Variants in FRYL observed in about 807,000 individuals in gnomAD.
FRYL encodes the protein FRY like transcription coactivator.
Under a neutral mutation model 351.2 loss-of-function variants are expected in FRYL, and 150 were observed. That is an observed-to-expected ratio of 0.43 (90% CI 0.37 to 0.49). The LOEUF (loss-of-function observed/expected upper bound fraction) is 0.49, where lower values mean the gene tolerates loss of function less well. FRYL is among the 20% of genes least tolerant of loss of function. The probability of loss-of-function intolerance (pLI) is 0.00; values close to 1 mark genes in which losing one functional copy is unlikely to be tolerated. For missense variants in FRYL, 3,036 were observed against 3,619.3 expected (o/e 0.84, Z 4.13); for synonymous variants, 1,153 against 1,257.1 (o/e 0.92, Z 1.75).
At chr4:48,620,058 C>A (rs984752035) in intron 6 of FRYL, among the ~76,000 whole-genome samples, 4 of 152,098 alleles carry the variant, frequency 2.6e-5, no homozygotes, top group Non-Finnish European at 5.9e-5. Context: ...ACAAGGTATC[C>A]TTCTCACAAA....
In FRYL at chr4:48,659,393, A is replaced by G. The variant is rs6815966; in HGVS notation, c.-80-24903T>C. On this transcript the variant is annotated intron_variant, in intron 3 of 63. Transcript: ENST00000358350. ...GAGAGAGAAGAAGAAGGAGAAGGAG[A>G]AGAAGGAGAAGGAGAAGGAGAAGGA... 1.3e-3 allele frequency among the ~76,000 whole-genome samples: 23 copies of G among 17,118 alleles called. 11 individuals carry two copies. Among genetic ancestry groups the G allele is most frequent in the Middle Eastern group, 0.053 (2 of 38 alleles). The allele number at this position is 17,118 out of a possible 152,430, so 11.2% of individuals were successfully genotyped here.
At position 48,745,592 on chromosome 4, in the gene FRYL, G is replaced by C. The variant is rs575369386; in HGVS notation, c.-384+34486C>G. Among the ~76,000 whole-genome samples the C allele has an allele frequency of 1.1e-4, 17 of 152,184 alleles. No individual in the cohort carries two copies. In the East Asian group the frequency reaches 1.9e-3, roughly 17 times the overall value. On this transcript the variant is annotated intron_variant, in intron 1 of 63. Transcript: ENST00000358350. ...CACAGGGTGGGGAACATCACACACC[G>C]GGGCCTGTTGTGGGGTGGGGGGAGT...
chr4:48,678,565 T>C (rs528328458), intron 3 of FRYL, among the ~76,000 whole-genome samples: 12 of 149,192 alleles, frequency 8.0e-5, no homozygotes, highest in East Asian at 3.9e-4. Flanking sequence ...TACAAGTACA[T>C]TGGAAGAGCC....
At chr4:48,714,231 C>T (rs1340686686) in intron 1 of FRYL, among the ~76,000 whole-genome samples, 9 of 151,716 alleles carry the variant, frequency 5.9e-5, no homozygotes. Context: ...CAAGAGCAAA[C>T]ACATCCAAAA....
At position 48,620,337 on chromosome 4, in the gene FRYL, T is replaced by C. The variant is rs528063627; in HGVS notation, c.314+302A>G. ...TTCTTTGAATATTTTCTTAACTTTA[T>C]GACTATTAAAAGCTCCTCACTGAAC... is the stretch of plus-strand genomic sequence containing the variant. On this transcript the variant is annotated intron_variant, in intron 6 of 63. Transcript: ENST00000358350. Among the ~76,000 whole-genome samples the C allele has an allele frequency of 2.9e-4, 44 of 152,362 alleles. 1 individual carries two copies. The highest frequency in any genetic ancestry group is 2.4e-3 in the Admixed American group (37 of 15,306).
rs752324903 is a variant in FRYL at position 48,523,070 on chromosome 4, C to T, written c.7352G>A (p.Arg2451His). The change falls in exon 54 of 64, where the codon CGC (arginine) becomes CAC (histidine). Residue 2451 changes from arginine (R) to histidine (H), a missense_variant. Coordinates refer to ENST00000358350, the MANE Select transcript of FRYL (RefSeq NM_015030.2). ...ESMDNFNWGV[R>H]RRSLDSIDKG... ...GTCAATACTGTCCAGTGAGCGCCTG[C>T]GAACTCCCCAGTTGAAATTGTCCAT... 29 of 1,613,646 alleles carry T rather than the reference C, an allele frequency of 1.8e-5. No homozygotes were observed. Among genetic ancestry groups the T allele is most frequent in the Middle Eastern group, 3.4e-4 (2 of 5,960 alleles).
At chr4:48,591,119 G>A (rs1743157004) in intron 16 of FRYL, among the ~76,000 whole-genome samples, 1 of 151,722 alleles carries the variant, frequency 6.6e-6, no homozygotes, top group Non-Finnish European at 1.5e-5. Flanking sequence ...CTATGGTCCC[G>A]TCCCCTCCCC....
At chr4:48,618,678 A>ATTATATAT (rs1236714876) in intron 7 of FRYL, 2 of 151,812 alleles carry the variant, frequency 1.3e-5, no homozygotes, top group Non-Finnish European at 2.9e-5. Context: ...CTGACACTAT[A>ATTATATAT]TTATATATTC....
chr4:48,739,601 A>G (rs1347251169), intron 1 of FRYL, among the ~76,000 whole-genome samples: 1 of 152,130 alleles, frequency 6.6e-6, no homozygotes, highest in Non-Finnish European at 1.5e-5. Flanking sequence ...AATCTAAAAT[A>G]CAAAACTTGA....
chr4:48,531,090 A>C, intron 50 of FRYL, 66 bp downstream of exon 50: 1 of 1,057,118 alleles, frequency 9.5e-7, no homozygotes, highest in Middle Eastern at 3.0e-4. Flanking sequence ...GTTAAATCAA[A>C]GAATGAATAA....
intron 3 of FRYL, among the ~76,000 whole-genome samples, chr4:48,638,781 A>C (rs1408347003): frequency 1.3e-5 from 2 of 152,190 alleles, no homozygotes; most frequent in Non-Finnish European, 1.5e-5. Context: ...GCAGCCATAA[A>C]AAGGATGTGT....
At chr4:48,709,928 A>C (rs7689662) in intron 2 of FRYL, among the ~76,000 whole-genome samples, 1 of 152,208 alleles carries the variant, frequency 6.6e-6, no homozygotes, top group Non-Finnish European at 1.5e-5. Context: ...CTCAAAATGA[A>C]CCTATTTTAA....
intron 1 of FRYL, among the ~76,000 whole-genome samples, chr4:48,747,165 C>CCT (rs1441539072): frequency 6.6e-6 from 1 of 150,436 alleles, no homozygotes; most frequent in East Asian, 2.0e-4. Context: ...TCCCCTATCC[C>CCT]CCCCCAAAAA....
At chr4:48,555,345 C>T (rs537231838) in intron 35 of FRYL, among the ~76,000 whole-genome samples, 2 of 152,292 alleles carry the variant, frequency 1.3e-5, no homozygotes, top group African/African-American at 4.8e-5. Flanking sequence ...AAGGAGCCTA[C>T]AATCTACTGG....
chr4:48,703,471 C>A (rs929249006), intron 2 of FRYL, among the ~76,000 whole-genome samples: 3 of 152,140 alleles, frequency 2.0e-5, no homozygotes, highest in Non-Finnish European at 4.4e-5. Flanking sequence ...ATATCTCAGG[C>A]CCCTCAATCC....
chr4:48,740,150 G>A (rs1054549547), intron 1 of FRYL, among the ~76,000 whole-genome samples: 2 of 152,022 alleles, frequency 1.3e-5, no homozygotes, highest in Non-Finnish European at 2.9e-5. Context: ...AAAATTTTCT[G>A]CTCTGTGAAA....
At chr4:48,593,510 A>G (rs1475687487) in intron 16 of FRYL, among the ~76,000 whole-genome samples, 1 of 151,942 alleles carries the variant, frequency 6.6e-6, no homozygotes, top group African/African-American at 2.4e-5. Context: ...ACTCCCGGCT[A>G]ATTTTGTATT....
Position 48,505,590 on chromosome 4 carries a change from A to G in FRYL, c.8420T>C (p.Phe2807Ser). 5 of 1,609,276 alleles carry G rather than the reference A, an allele frequency of 3.1e-6. No individual in the cohort carries two copies. The highest frequency in any genetic ancestry group is 4.2e-6 in the Non-Finnish European group (5 of 1,176,844). Residue 2807 changes from phenylalanine (F) to serine (S), a missense_variant, in exon 60 of 64, where the codon TTT becomes TCT. This residue lies in a region of FRYL where 1,987 missense variants were observed against 2,311.7 expected (regional missense o/e 0.86). Transcript: ENST00000358350. ...EQWLDDCKRT[F>S]GAKEDMYRIN... is the part of the protein sequence containing the mutation. The stretch of plus-strand genomic sequence containing the variant: ...CCTATACATGTCTTCTTTGGCACCA[A>G]ATGTCCTCTTACAATCATCTAGCCA...
chr4:48,536,899 T>A (rs1729015767), intron 47 of FRYL, among the ~76,000 whole-genome samples: 1 of 152,140 alleles, frequency 6.6e-6, no homozygotes, highest in African/African-American at 2.4e-5. Flanking sequence ...TTGGACATTA[T>A]CATGGAACAA....
Sources: gnomAD v4.1 joint callset for allele counts (sites outside exome capture counted in the v4.1 genomes callset) on GRCh38, gnomAD v4.1.1 for gene constraint, gnomAD v4.1.1 regional missense constraint, MANE v1.5 for transcripts, NCBI Gene and HGNC (gene_info 2026-07-23, HGNC 2026-07-21) for gene names.